STAB2: variants seen among roughly 807,000 people sequenced by gnomAD.
STAB2 encodes stabilin 2.
In STAB2, 288 loss-of-function variants were observed where a neutral mutation model predicts 338.1. The observed-to-expected ratio is 0.85, with a 90% confidence interval of 0.77 to 0.94. STAB2 has a LOEUF of 0.94. Among genes scored for constraint, STAB2 ranks in the 40% least tolerant of loss-of-function variants. STAB2 has a pLI of 0.00. For synonymous variants in STAB2, 1,202 were observed against 1,193.3 expected, an observed-to-expected ratio of 1.01 and a Z score of -0.15; for missense variants, 3,141 against 3,210.1, an observed-to-expected ratio of 0.98 and a Z score of 0.52.
intron 48 of STAB2, 129 bp downstream of exon 48, chr12:103,729,124 C>A: frequency 2.4e-6 from 2 of 827,330 alleles, no homozygotes; most frequent in Non-Finnish European, 3.9e-6. Flanking sequence ...TGCATGTCCT[C>A]ACTTACAAGT....
intron 9 of STAB2, among the ~76,000 whole-genome samples, chr12:103,646,473 GTCTGTCACAGTGCTATTTTTCTTTCCTTA>G (rs1873346095): frequency 6.6e-6 from 1 of 152,086 alleles, no homozygotes. Flanking sequence ...TTTTCTATAT[GTCTGTCACAGTGCTATTTTTCTTTCCTTA>G]TCTCTCTATC....
rs375372515 is a variant in STAB2 at position 103,692,932 on chromosome 12, C to T, written c.3375+43C>T. On this transcript the variant is annotated intron_variant, in intron 31 of 68. Coordinates refer to ENST00000388887, the MANE Select transcript of STAB2 (RefSeq NM_017564.10). ...CCTGTGCGTGCAGCATCTCTTTTCC[C>T]TTTGTTGTTTATCGTCCTATACAGC... 69 of 1,558,392 alleles carry T rather than the reference C, an allele frequency of 4.4e-5. No individual in the cohort carries two copies. In the African/African-American group the frequency reaches 6.8e-4, roughly 15 times the overall value.
intron 6 of STAB2, among the ~76,000 whole-genome samples, chr12:103,633,395 A>T (rs1368675719): frequency 6.6e-6 from 1 of 152,268 alleles, no homozygotes; most frequent in African/African-American, 2.4e-5. Flanking sequence ...ATAAGAAATG[A>T]AAACAGGCCG....
At chr12:103,722,250 A>G (rs1029567344) in intron 44 of STAB2, among the ~76,000 whole-genome samples, 12 of 152,256 alleles carry the variant, frequency 7.9e-5, no homozygotes, top group African/African-American at 2.9e-4. Flanking sequence ...TCAGTAAAAA[A>G]GCCCACAATG....
intron 9 of STAB2, among the ~76,000 whole-genome samples, chr12:103,641,126 C>G (rs75340905): frequency 6.6e-6 from 1 of 152,184 alleles, no homozygotes; most frequent in Admixed American, 6.5e-5. Flanking sequence ...AACATCGAAC[C>G]ATAGCATGAT....
chr12:103,715,923 TA>T (rs2139021010), intron 43 of STAB2, 35 bp downstream of exon 43: 1 of 1,611,322 alleles, frequency 6.2e-7, no homozygotes, highest in Non-Finnish European at 8.5e-7. Flanking sequence ...TTAGGTTTCC[TA>T]AAAGGGAACT....
At chr12:103,734,272 A>C (rs112015591) in intron 51 of STAB2, among the ~76,000 whole-genome samples, 6,095 of 140,980 alleles carry the variant, frequency 0.043, 179 homozygotes, top group Admixed American at 0.092. Flanking sequence ...GGAGCAAGCA[A>C]GATCATATAG....
intron 3 of STAB2, among the ~76,000 whole-genome samples, chr12:103,610,300 G>C (rs1957101620): frequency 6.6e-6 from 1 of 152,190 alleles, no homozygotes. Context: ...GACTTCGGCT[G>C]TGAATCCGTC....
At chr12:103,656,696 T>C (rs1231481483) in intron 15 of STAB2, among the ~76,000 whole-genome samples, 2 of 149,434 alleles carry the variant, frequency 1.3e-5, no homozygotes, top group Non-Finnish European at 3.0e-5. Flanking sequence ...TTTTTTTTTT[T>C]TGAGACGGAG....
In STAB2 at chr12:103,662,305, G is replaced by T. The variant is rs1192912009; in HGVS notation, c.1870-541G>T. The stretch of plus-strand genomic sequence containing the variant: ...TCATGGAGCTTGACTTGAGCAACCA[G>T]AAGAATGAAGCTGTCATTAATACTG... On this transcript the variant is annotated intron_variant, in intron 17 of 68. Transcript: ENST00000388887. 7.2e-5 allele frequency among the ~76,000 whole-genome samples: 11 copies of T among 152,280 alleles called. No homozygotes were observed. The East Asian group carries it at 1.4e-3, about 19-fold the overall frequency.
intron 44 of STAB2, among the ~76,000 whole-genome samples, chr12:103,722,237 G>A (rs1880825106): frequency 6.6e-6 from 1 of 152,174 alleles, no homozygotes; most frequent in Admixed American, 6.5e-5. Flanking sequence ...TTACGGAGAA[G>A]CCTCAGTAAA....
intron 58 of STAB2, among the ~76,000 whole-genome samples, chr12:103,748,096 A>G (rs1883224529): frequency 1.3e-5 from 2 of 152,112 alleles, no homozygotes; most frequent in African/African-American, 4.8e-5. Flanking sequence ...AATATTTTTC[A>G]TGGATAAATA....
chr12:103,650,689 G>T, intron 11 of STAB2, 111 bp downstream of exon 11: 1 of 790,738 alleles, frequency 1.3e-6, no homozygotes, highest in Non-Finnish European at 2.0e-6. Flanking sequence ...ACCTACTGAT[G>T]ATAAGGATGG....
intron 39 of STAB2, among the ~76,000 whole-genome samples, chr12:103,711,142 C>G (rs768335813): frequency 6.6e-6 from 1 of 152,028 alleles, no homozygotes; most frequent in Non-Finnish European, 1.5e-5. Flanking sequence ...AATCAAAACC[C>G]AGAAGAGGGG....
At chr12:103,742,344 AG>A in intron 55 of STAB2, 60 bp from the exon 56 acceptor site, 6 of 1,573,974 alleles carry the variant, frequency 3.8e-6, no homozygotes, top group Non-Finnish European at 4.3e-6. Context: ...ACATTTACAA[AG>A]GTGCTGAGCT....
Position 103,706,901 on chromosome 12 carries a change from C to A in STAB2, c.4106C>A (p.Thr1369Lys), listed in dbSNP as rs1879411943. The change falls in exon 38 of 69, where the codon ACA becomes AAA. Residue 1369 changes from threonine to lysine, a missense_variant. Coordinates refer to ENST00000388887, the MANE Select transcript of STAB2 (RefSeq NM_017564.10). ...NGICLDGVNG[T>K]GVCECGEGFS... ...ATCTGTTTGGATGGAGTGAATGGCA[C>A]AGGTGTGTGTGAGTGTGGGGAGGGC... 6.2e-7 allele frequency: 1 copy of A among 1,614,086 alleles called. No homozygotes were observed. The highest frequency in any genetic ancestry group is 8.5e-7 in the Non-Finnish European group (1 of 1,180,052).
chr12:103,685,465 TGTGTGTGCGTGC>T (rs1566014372), intron 27 of STAB2, among the ~76,000 whole-genome samples: 1 of 141,396 alleles, frequency 7.1e-6, no homozygotes, highest in Admixed American at 7.4e-5. Flanking sequence ...CGCGTGCGTG[TGTGTGTGCGTGC>T]GCGCATGTGT....
Position 103,673,924 on chromosome 12 carries a change from G to T in STAB2, c.2389G>T (p.Gly797Ter). The stretch of plus-strand genomic sequence containing the variant: ...TCTTTCAGAATGCCTGTGCGTTCAC[G>T]GAACATGCAATAACAGGATAGACAG... ...RCNKKCLCVHGTCNNRIDSDG... is the reference protein window; with the variant it reads ...RCNKKCLCVH Residue 797 changes from glycine (G) to a stop codon, truncating the protein, a stop_gained, in exon 23 of 69, where the codon GGA becomes TGA. Coordinates refer to ENST00000388887, the MANE Select transcript of STAB2 (RefSeq NM_017564.10). LOFTEE classifies it high-confidence loss of function. 6.2e-7 allele frequency: 1 copy of T among 1,612,794 alleles called. No homozygotes were observed. The highest frequency in any genetic ancestry group is 1.7e-5 in the Admixed American group (1 of 60,010).
At chr12:103,668,599 TA>T (rs1875394323) in intron 19 of STAB2, 43 bp from the exon 20 acceptor site, 6 of 1,536,388 alleles carry the variant, frequency 3.9e-6, no homozygotes, top group Non-Finnish European at 4.4e-6. Context: ...CTGGAGGACC[TA>T]AACATGCTGA....
Sources: gnomAD v4.1 joint callset for allele counts (sites outside exome capture counted in the v4.1 genomes callset) on GRCh38, gnomAD v4.1.1 for gene constraint, MANE v1.5 for transcripts, NCBI Gene and HGNC (gene_info 2026-07-23, HGNC 2026-07-21) for gene names.